The following PCGF3 variants were observed in gnomAD, a reference collection of about 807,000 sequenced individuals.
PCGF3 encodes polycomb group ring finger 3.
Under a neutral mutation model 33.1 loss-of-function variants are expected in PCGF3, and 7 were observed. That is an observed-to-expected ratio of 0.21 (90% confidence interval 0.12 to 0.40). The LOEUF (loss-of-function observed/expected upper bound fraction) is 0.40. PCGF3 is among the 10% of genes least tolerant of loss of function. The pLI, the probability that PCGF3 is intolerant of heterozygous loss-of-function variation, is 1.00. For missense variants in PCGF3, 211 were observed against 313.3 expected, an observed-to-expected ratio of 0.67 and a Z score of 2.46; for synonymous variants, 153 against 121.3, an observed-to-expected ratio of 1.26 and a Z score of -1.72.
chr4:749,789 CT>C (rs34340653), intron 8 of PCGF3, among the ~76,000 whole-genome samples: 2 of 150,422 alleles, frequency 1.3e-5, no homozygotes, highest in African/African-American at 2.4e-5. Context: ...TTTCTTAAAA[CT>C]TTTTTTTTTC....
intron 1 of PCGF3, among the ~76,000 whole-genome samples, chr4:727,309 C>T (rs1187512572): frequency 1.5e-5 from 2 of 137,672 alleles, no homozygotes; most frequent in African/African-American, 2.7e-5. Context: ...GGCGCGATCT[C>T]GGCTCACTGC....
intron 1 of PCGF3, among the ~76,000 whole-genome samples, chr4:709,658 G>A (rs1298969787): frequency 6.6e-6 from 1 of 152,254 alleles, no homozygotes; most frequent in East Asian, 1.9e-4. Context: ...AGTACAATGA[G>A]GTGTAACCCT....
At chr4:749,227 C>T (rs925813901) in intron 8 of PCGF3, among the ~76,000 whole-genome samples, 10 of 152,028 alleles carry the variant, frequency 6.6e-5, no homozygotes, top group South Asian at 4.1e-4. Flanking sequence ...TGCAATGGCA[C>T]GATCTCGGCT....
At chr4:716,738 G>A (rs112138597) in intron 1 of PCGF3, among the ~76,000 whole-genome samples, 1 of 133,730 alleles carries the variant, frequency 7.5e-6, no homozygotes, top group African/African-American at 2.9e-5. Flanking sequence ...GTGAGAACTG[G>A]GCGTCGGTGC....
chr4:765,963 C>T (rs929996639), intron 10 of PCGF3, 69 bp from the exon 11 acceptor site: 24 of 1,410,666 alleles, frequency 1.7e-5, no homozygotes, highest in African/African-American at 4.2e-5. Flanking sequence ...CAGCACCCTT[C>T]CCGATGAAGT....
chr4:723,220 T>C (rs1743191621), intron 1 of PCGF3, among the ~76,000 whole-genome samples: 1 of 152,228 alleles, frequency 6.6e-6, no homozygotes, highest in South Asian at 2.1e-4. Flanking sequence ...GTGAGAGCTG[T>C]GTTCCCTGCG....
intron 1 of PCGF3, among the ~76,000 whole-genome samples, chr4:723,319 C>T (rs992326433): frequency 1.3e-5 from 2 of 152,298 alleles, no homozygotes; most frequent in East Asian, 3.9e-4. Flanking sequence ...GGGTGCATTT[C>T]GGAGGCTAGA....
At chr4:712,397 T>G (rs191782065) in intron 1 of PCGF3, among the ~76,000 whole-genome samples, 2 of 152,358 alleles carry the variant, frequency 1.3e-5, no homozygotes, top group Admixed American at 6.5e-5. Context: ...GACTTGCTTT[T>G]TTTTAAGATA....
rs1253732121 is a variant in PCGF3, at chr4:766,207, T to C, written c.*128T>C. ...CTGAATAGAGAATATTTATAACTTTTGTATGAGAGAGAATTCACACTCAAC... is the reference window on the plus strand; with the variant it reads ...CTGAATAGAGAATATTTATAACTTTCGTATGAGAGAGAATTCACACTCAAC... On this transcript the variant is annotated 3_prime_UTR_variant, in exon 11 of 11. Coordinates refer to ENST00000362003, the Ensembl canonical transcript of PCGF3. 86 of 701,996 alleles carry C rather than the reference T, an allele frequency of 1.2e-4. 1 individual carries two copies. In the Admixed American group the frequency reaches 2.2e-3, roughly 18 times the overall value. 43.5% of individuals were successfully genotyped at this position (701,996 alleles called of 1,614,324 possible).
chr4:753,171 G>T (rs1744602372), intron 8 of PCGF3, among the ~76,000 whole-genome samples: 1 of 152,356 alleles, frequency 6.6e-6, no homozygotes, highest in African/African-American at 2.4e-5. Context: ...AAGGAAGTTA[G>T]AACAGAACTT....
exon 11 of PCGF3, chr4:767,986 C>A (rs1577455398): frequency 6.6e-6 from 1 of 152,670 alleles, no homozygotes. Flanking sequence ...TAAACAGTTA[C>A]AAGCCTCCAA....
exon 11 of PCGF3, chr4:768,973 T>C (rs1268324355): frequency 2.0e-5 from 3 of 152,714 alleles, no homozygotes; most frequent in Non-Finnish European, 4.4e-5. Context: ...AAAGGGAACA[T>C]AGATGGAATT....
intron 1 of PCGF3, among the ~76,000 whole-genome samples, chr4:727,580 G>T (rs1307731479): frequency 6.6e-6 from 1 of 151,942 alleles, no homozygotes; most frequent in African/African-American, 2.4e-5. Context: ...CAATTATTTT[G>T]TCAAATGATT....
rs750231143 is a variant in PCGF3, at chr4:734,914, C to T, written c.110-17C>T. 1 of 1,611,896 alleles carries T rather than the reference C, an allele frequency of 6.2e-7. No homozygotes were observed. On this transcript the variant is annotated splice_polypyrimidine_tract_variant and intron_variant, in intron 4 of 10. Transcript: ENST00000362003. ...GGCTCTAGACGCTCTCCTAACACACCTGTGCTTTGATGACAGTCTGCAGGA... is the reference window on the plus strand; with the variant it reads ...GGCTCTAGACGCTCTCCTAACACACTTGTGCTTTGATGACAGTCTGCAGGA...
At chr4:736,400 C>T (rs1743822122) in intron 5 of PCGF3, among the ~76,000 whole-genome samples, 1 of 152,232 alleles carries the variant, frequency 6.6e-6, no homozygotes, top group Non-Finnish European at 1.5e-5. Context: ...AGCCTCTGTT[C>T]ATTGGAAATC....
At chr4:741,639 C>T (rs1209496088) in intron 6 of PCGF3, among the ~76,000 whole-genome samples, 1 of 152,130 alleles carries the variant, frequency 6.6e-6, no homozygotes, top group Non-Finnish European at 1.5e-5. Flanking sequence ...GAACTCCTGA[C>T]CTCATGATCC....
At chr4:741,429 C>T (rs888367128) in intron 6 of PCGF3, among the ~76,000 whole-genome samples, 2 of 152,142 alleles carry the variant, frequency 1.3e-5, no homozygotes, top group Admixed American at 6.5e-5. Context: ...ATTTTTGAGA[C>T]GGAGTTTTGC....
chr4:758,772 G>A (rs1316030145), intron 8 of PCGF3, among the ~76,000 whole-genome samples: 1 of 19,610 alleles, frequency 5.1e-5, no homozygotes, highest in South Asian at 3.4e-3. Flanking sequence ...TCCGGACTCC[G>A]GGTCTTTCTC....
chr4:724,694 A>C (rs2109565336), intron 1 of PCGF3, among the ~76,000 whole-genome samples: 1 of 152,228 alleles, frequency 6.6e-6, no homozygotes, highest in South Asian at 2.1e-4. Flanking sequence ...GGTACTCAGG[A>C]GGCTGAGGCA....
Sources: gnomAD v4.1 joint callset for allele counts (sites outside exome capture counted in the v4.1 genomes callset) on GRCh38, gnomAD v4.1.1 for gene constraint, MANE v1.5 for transcripts, NCBI Gene and HGNC (gene_info 2026-07-23, HGNC 2026-07-21) for gene names.